Variants in A1CF observed in about 807,000 individuals in gnomAD.
A1CF encodes the protein APOBEC-1 stimulating protein.
Under a neutral mutation model 68.9 loss-of-function variants are expected in A1CF, and 48 were observed. The ratio of observed to expected loss-of-function variants is 0.70; its 90% CI spans 0.55 to 0.89. The LOEUF (loss-of-function observed/expected upper bound fraction) is 0.89, where lower values mean the gene tolerates loss of function less well. Ranked by LOEUF, A1CF falls within the 40% of genes least tolerant of loss-of-function variation. The probability of loss-of-function intolerance (pLI) is 0.00; values close to 1 mark genes in which losing one functional copy is unlikely to be tolerated. For missense variants in A1CF, 653 were observed against 718.9 expected (o/e 0.91, Z 1.05); for synonymous variants, 272 against 260.4 (o/e 1.04, Z -0.43).
chr10:50,812,475 CTT>C (rs931803518), intron 10 of A1CF, among the ~76,000 whole-genome samples: 2 of 152,192 alleles, frequency 1.3e-5, no homozygotes, highest in Non-Finnish European at 1.5e-5. Context: ...GAATTTCTAA[CTT>C]GAGTTTAATG....
At chr10:50,848,671 T>C (rs1177172273) in intron 3 of A1CF, among the ~76,000 whole-genome samples, 1 of 152,212 alleles carries the variant, frequency 6.6e-6, no homozygotes, top group Non-Finnish European at 1.5e-5. Context: ...TTTGATTCTT[T>C]GTTTCTTTTT....
intron 3 of A1CF, among the ~76,000 whole-genome samples, chr10:50,851,235 A>T (rs1840227699): frequency 6.6e-6 from 1 of 152,162 alleles, no homozygotes. Flanking sequence ...AAGGAGTAGG[A>T]GGGTTGACTA....
In A1CF at chr10:50,803,272, T is replaced by TG. The variant is rs1460453355; in HGVS notation, c.*3456_*3457insC. 1 of 151,426 alleles carries TG rather than the reference T, an allele frequency of 6.6e-6. No homozygotes were observed. Among genetic ancestry groups the TG allele is most frequent in the African/African-American group, 2.4e-5 (1 of 41,212 alleles). 9.4% of individuals were successfully genotyped at this position (151,426 alleles called of 1,614,324 possible). On this transcript the variant is annotated 3_prime_UTR_variant, in exon 13 of 13. Transcript: ENST00000373997. ...ACTGGCCAATTAAATTAAATTTGTT[T>TG]TTTTTTTTTTTGTAGAGGCGGAGTC...
chr10:50,807,369 G>T (rs1440597239), intron 12 of A1CF, among the ~76,000 whole-genome samples: 2 of 152,210 alleles, frequency 1.3e-5, no homozygotes, highest in African/African-American at 4.8e-5. Flanking sequence ...TACCCAAGAA[G>T]ATGTGTAAAG....
intron 9 of A1CF, among the ~76,000 whole-genome samples, chr10:50,815,305 T>C (rs139204174): frequency 5.6e-4 from 86 of 152,332 alleles, no homozygotes; most frequent in African/African-American, 1.9e-3. Flanking sequence ...AAATGGAGCT[T>C]GGAAAACTGC....
intron 3 of A1CF, among the ~76,000 whole-genome samples, chr10:50,845,647 T>C (rs997081362): frequency 2.0e-5 from 3 of 152,158 alleles, no homozygotes; most frequent in African/African-American, 2.4e-5. Flanking sequence ...TTATAACAGA[T>C]ACATACATTA....
At chr10:50,818,566 A>G (rs1156630105) in intron 8 of A1CF, among the ~76,000 whole-genome samples, 2 of 152,196 alleles carry the variant, frequency 1.3e-5, no homozygotes, top group Non-Finnish European at 2.9e-5. Flanking sequence ...CCCAGCAATC[A>G]TCATGTATAC....
intron 7 of A1CF, among the ~76,000 whole-genome samples, chr10:50,826,584 G>A (rs1588984534): frequency 6.6e-6 from 1 of 152,116 alleles, no homozygotes; most frequent in East Asian, 1.9e-4. Flanking sequence ...CAAATTCTGA[G>A]AGATTTTGTC....
At chr10:50,868,933 G>C (rs937228874) in intron 1 of A1CF, among the ~76,000 whole-genome samples, 4 of 152,122 alleles carry the variant, frequency 2.6e-5, no homozygotes, top group African/African-American at 9.7e-5. Context: ...GGAGCTAAAT[G>C]ATGGGAACAC....
At chr10:50,861,644 A>C (rs1840751646) in intron 2 of A1CF, among the ~76,000 whole-genome samples, 1 of 148,008 alleles carries the variant, frequency 6.8e-6, no homozygotes, top group African/African-American at 2.4e-5. Context: ...TTGTAGCACT[A>C]TTAATAATGA....
At chr10:50,847,598 G>C (rs1472886292) in intron 3 of A1CF, among the ~76,000 whole-genome samples, 1 of 152,150 alleles carries the variant, frequency 6.6e-6, no homozygotes, top group Non-Finnish European at 1.5e-5. Context: ...TTTGGCCACT[G>C]AGCGTTTGAA....
rs1367961883 is a variant in A1CF, at chr10:50,806,436, G to A, written c.*293C>T. ...AGCTACAAGATCTCTCTTCACCCTG[G>A]CAGGATTTGTAAACATACTCCCCAA... On this transcript the variant is annotated 3_prime_UTR_variant, in exon 13 of 13. Transcript: ENST00000373997. 1.1e-5 allele frequency: 2 copies of A among 185,472 alleles called. No individual in the cohort carries two copies. Among genetic ancestry groups the A allele is most frequent in the Non-Finnish European group, 2.2e-5 (2 of 90,742 alleles). The allele number at this position is 185,472 out of a possible 1,614,324, so 11.5% of individuals were successfully genotyped here.
Position 50,805,632 on chromosome 10 carries a change from A to G in A1CF, c.*1097T>C, listed in dbSNP as rs1837782719. On this transcript the variant is annotated 3_prime_UTR_variant, in exon 13 of 13. Transcript: ENST00000373997. Reference sequence around the variant, plus strand: ...GTGAAGCTGCCTGATACTTACTGAAACAAAAAGGAAGGAAAGTTAGAGGAT... The same window carrying G: ...GTGAAGCTGCCTGATACTTACTGAAGCAAAAAGGAAGGAAAGTTAGAGGAT... 6.6e-6 allele frequency: 1 copy of G among 152,236 alleles called. No individual in the cohort carries two copies. The highest frequency in any genetic ancestry group is 1.5e-5 in the Non-Finnish European group (1 of 68,042). 9.4% of individuals were successfully genotyped at this position (152,236 alleles called of 1,614,324 possible).
At position 50,843,728 on chromosome 10, in the gene A1CF, G is replaced by A. The variant is rs1839877630; in HGVS notation, c.234+260C>T. ...TAGTTTGTAGTCAGATGGCATGACA[G>A]TGGAAAGATTGGGGAACAAGATATA... is the stretch of plus-strand genomic sequence containing the variant. On this transcript the variant is annotated intron_variant, in intron 4 of 12. Coordinates refer to ENST00000373997, the MANE Select transcript of A1CF (RefSeq NM_014576.4). Among the ~76,000 whole-genome samples, 5 of 152,204 alleles carry A rather than the reference G, an allele frequency of 3.3e-5. No homozygotes were observed. In the South Asian group the frequency reaches 1.0e-3, roughly 32 times the overall value.
chr10:50,821,685 A>C (rs1326180435), intron 7 of A1CF, among the ~76,000 whole-genome samples: 1 of 151,900 alleles, frequency 6.6e-6, no homozygotes, highest in Non-Finnish European at 1.5e-5. Context: ...ACAGGCATGC[A>C]TCACCATGTG....
chr10:50,809,649 C>T (rs1327439655), intron 12 of A1CF, among the ~76,000 whole-genome samples: 2 of 152,156 alleles, frequency 1.3e-5, no homozygotes, highest in African/African-American at 4.8e-5. Flanking sequence ...GAGACTGACT[C>T]ATTCAAGATC....
intron 3 of A1CF, among the ~76,000 whole-genome samples, chr10:50,857,526 A>G (rs1840540494): frequency 6.6e-6 from 1 of 152,150 alleles, no homozygotes; most frequent in South Asian, 2.1e-4. Context: ...GCACAAAGAT[A>G]TTTGGAGATG....
intron 1 of A1CF, among the ~76,000 whole-genome samples, chr10:50,877,118 C>A (rs754771653): frequency 6.6e-6 from 1 of 152,020 alleles, no homozygotes; most frequent in East Asian, 1.9e-4. Context: ...AATGACATGG[C>A]CTAATGAAAA....
chr10:50,807,133 A>G (rs1837871282), intron 12 of A1CF, among the ~76,000 whole-genome samples: 1 of 152,192 alleles, frequency 6.6e-6, no homozygotes, highest in South Asian at 2.1e-4. Flanking sequence ...TATACTTAAG[A>G]GAATTAAAGA....
Sources: allele counts gnomAD v4.1 joint callset (sites outside exome capture counted in the v4.1 genomes callset), GRCh38; gene constraint gnomAD v4.1.1; transcripts MANE v1.5; gene names NCBI Gene and HGNC (gene_info 2026-07-23, HGNC 2026-07-21).